Variants in COL22A1 observed in about 807,000 individuals in gnomAD.
COL22A1 encodes collagen alpha-1(XXII) chain.
A neutral mutation model predicts 248.9 loss-of-function variants in COL22A1; 221 were observed. That is an observed-to-expected ratio of 0.89 (90% confidence interval 0.80 to 0.99). The LOEUF is 0.99. Among genes scored for constraint, COL22A1 ranks in the 50% least tolerant of loss-of-function variants. COL22A1 has a pLI of 0.00. For synonymous variants in COL22A1, 891 were observed against 793.4 expected, an observed-to-expected ratio of 1.12 and a Z score of -2.07; for missense variants, 2,240 against 2,179.0, an observed-to-expected ratio of 1.03 and a Z score of -0.56.
At chr8:138,808,200 C>T (rs1020187653) in intron 9 of COL22A1, among the ~76,000 whole-genome samples, 3 of 152,138 alleles carry the variant, frequency 2.0e-5, no homozygotes, top group African/African-American at 7.2e-5. Context: ...TTGTCAAAGA[C>T]TACATGCCTC....
At chr8:138,755,634 T>C in intron 19 of COL22A1, 123 bp from the exon 20 acceptor site, 1 of 1,346,926 alleles carries the variant, frequency 7.4e-7, no homozygotes, top group East Asian at 2.3e-5. Flanking sequence ...TCCTGACTTT[T>C]CTCTGATTCT....
chr8:138,907,318 C>T (rs1040781461), intron 1 of COL22A1, among the ~76,000 whole-genome samples: 4 of 152,198 alleles, frequency 2.6e-5, no homozygotes, highest in African/African-American at 4.8e-5. Context: ...TCATTACCCT[C>T]GTGCTGTGCA....
At chr8:138,749,723 G>A (rs1832428317) in intron 22 of COL22A1, among the ~76,000 whole-genome samples, 1 of 152,154 alleles carries the variant, frequency 6.6e-6, no homozygotes, top group Non-Finnish European at 1.5e-5. Context: ...GCTGAGACGT[G>A]GATCAGCACT....
chr8:138,852,243 G>T (rs1821698990), intron 3 of COL22A1, among the ~76,000 whole-genome samples: 1 of 152,130 alleles, frequency 6.6e-6, no homozygotes, highest in African/African-American at 2.4e-5. Context: ...GACAGGGAAA[G>T]GGTGGAGGCA....
intron 3 of COL22A1, among the ~76,000 whole-genome samples, chr8:138,867,890 G>A (rs183604079): frequency 6.6e-6 from 1 of 152,226 alleles, no homozygotes; most frequent in East Asian, 1.9e-4. Context: ...TCAGCCTCCT[G>A]AGCAGCTGGG....
intron 1 of COL22A1, among the ~76,000 whole-genome samples, chr8:138,908,087 GACCACAGC>G (rs953618276): frequency 3.9e-5 from 6 of 152,130 alleles, no homozygotes; most frequent in Non-Finnish European, 8.8e-5. Flanking sequence ...AAACAATGCG[GACCACAGC>G]ACCACTTCCC....
chr8:138,739,187 C>A (rs1401863101), intron 22 of COL22A1, among the ~76,000 whole-genome samples: 4 of 152,186 alleles, frequency 2.6e-5, no homozygotes, highest in Admixed American at 2.6e-4. Context: ...CTTTAATGAC[C>A]TCCAGCCTGC....
chr8:138,673,851 G>T (rs1365620835), intron 41 of COL22A1, among the ~76,000 whole-genome samples: 3 of 152,114 alleles, frequency 2.0e-5, no homozygotes, highest in African/African-American at 7.2e-5. Context: ...CACAGGGAAG[G>T]CTGAGAGTTT....
At chr8:138,619,323 A>C in intron 53 of COL22A1, 132 bp downstream of exon 53, 1 of 717,366 alleles carries the variant, frequency 1.4e-6, no homozygotes, top group Non-Finnish European at 2.4e-6. Flanking sequence ...GCACAGAAGC[A>C]CAGCCGTCTG....
chr8:138,852,244 G>A (rs1010442801), intron 3 of COL22A1, among the ~76,000 whole-genome samples: 2 of 152,076 alleles, frequency 1.3e-5, no homozygotes, highest in East Asian at 1.9e-4. Flanking sequence ...ACAGGGAAAG[G>A]GTGGAGGCAA....
At chr8:138,615,967 C>A in intron 55 of COL22A1, 34 bp downstream of exon 55, 1 of 1,580,058 alleles carries the variant, frequency 6.3e-7, no homozygotes, top group South Asian at 1.1e-5. Flanking sequence ...ACCCCCAGCC[C>A]CAGCCCAGCC....
chr8:138,745,978 C>A (rs1263886722), intron 22 of COL22A1, among the ~76,000 whole-genome samples: 1 of 152,258 alleles, frequency 6.6e-6, no homozygotes, highest in East Asian at 1.9e-4. Flanking sequence ...TGCCTGGTGA[C>A]TGCTACCGCC....
At chr8:138,875,883 C>T (rs1012771960) in intron 3 of COL22A1, among the ~76,000 whole-genome samples, 1 of 152,218 alleles carries the variant, frequency 6.6e-6, no homozygotes, top group Non-Finnish European at 1.5e-5. Flanking sequence ...CTTGCATGCT[C>T]TAGGGTAGAT....
At chr8:138,844,440 G>A (rs1050047747) in intron 3 of COL22A1, among the ~76,000 whole-genome samples, 2 of 152,214 alleles carry the variant, frequency 1.3e-5, no homozygotes, top group Non-Finnish European at 1.5e-5. Flanking sequence ...TTGTCCGAGG[G>A]AGCCAGACAC....
chr8:138,858,810 A>G (rs1436063766), intron 3 of COL22A1, among the ~76,000 whole-genome samples: 1 of 152,210 alleles, frequency 6.6e-6, no homozygotes, highest in Non-Finnish European at 1.5e-5. Flanking sequence ...GGAGCTGCAT[A>G]AAATCAAAGG....
At chr8:138,655,329 G>A (rs1823143822) in intron 45 of COL22A1, among the ~76,000 whole-genome samples, 1 of 152,016 alleles carries the variant, frequency 6.6e-6, no homozygotes, top group Non-Finnish European at 1.5e-5. Flanking sequence ...GAAAGAGGTT[G>A]GAGTGATCAA....
At chr8:138,731,566 C>T (rs3862310) in intron 23 of COL22A1, among the ~76,000 whole-genome samples, 7,357 of 151,780 alleles carry the variant, frequency 0.048, 534 homozygotes, top group African/African-American at 0.16. Context: ...GGGGAATGGG[C>T]AGGTGTGTGG....
chr8:138,851,062 G>T (rs1262328131), intron 3 of COL22A1, among the ~76,000 whole-genome samples: 2 of 152,208 alleles, frequency 1.3e-5, no homozygotes, highest in Non-Finnish European at 2.9e-5. Context: ...GAGCAACACA[G>T]AACAGCACAG....
chr8:138,608,039 G>A, intron 56 of COL22A1, 50 bp from the exon 57 acceptor site: 1 of 1,576,762 alleles, frequency 6.3e-7, no homozygotes, highest in Non-Finnish European at 8.7e-7. Context: ...CAAAGAGCAG[G>A]ACGGTGGAAC....
Sources: gnomAD v4.1 joint callset for allele counts (sites outside exome capture counted in the v4.1 genomes callset) on GRCh38, gnomAD v4.1.1 for gene constraint, MANE v1.5 for transcripts, NCBI Gene and HGNC (gene_info 2026-07-23, HGNC 2026-07-21) for gene names.